The following TBC1D1 variants were observed in gnomAD, a reference collection of about 807,000 sequenced individuals.
The protein encoded by TBC1D1 is TBC1 (tre-2/USP6, BUB2, cdc16) domain family, member 1.
In TBC1D1, 89 loss-of-function variants were observed where a neutral mutation model predicts 125.6. The ratio of observed to expected loss-of-function variants is 0.71; its 90% confidence interval spans 0.60 to 0.85. The LOEUF is 0.85. Among genes scored for constraint, TBC1D1 ranks in the 40% least tolerant of loss-of-function variants. The pLI is 0.00. For synonymous variants in TBC1D1, 565 were observed against 564.1 expected (o/e 1.00, Z -0.02); for missense variants, 1,377 against 1,469.2 (o/e 0.94, Z 1.03).
At chr4:37,989,413 A>G (rs1450680379) in intron 2 of TBC1D1, among the ~76,000 whole-genome samples, 3 of 152,196 alleles carry the variant, frequency 2.0e-5, no homozygotes, top group East Asian at 3.8e-4. Context: ...TACACCTTAC[A>G]TATATTGATT....
At chr4:37,986,234 AC>A (rs1287589635) in intron 2 of TBC1D1, among the ~76,000 whole-genome samples, 1 of 152,194 alleles carries the variant, frequency 6.6e-6, no homozygotes, top group Admixed American at 6.5e-5. Context: ...TACATGGGGA[AC>A]TGACACCCAG....
intron 2 of TBC1D1, among the ~76,000 whole-genome samples, chr4:37,979,692 C>T (rs1375208480): frequency 6.6e-6 from 1 of 152,232 alleles, no homozygotes; most frequent in Non-Finnish European, 1.5e-5. Context: ...TCATTTTGAC[C>T]TTTGCAACTG....
At chr4:37,948,294 C>A (rs559530344) in intron 2 of TBC1D1, among the ~76,000 whole-genome samples, 1 of 152,216 alleles carries the variant, frequency 6.6e-6, no homozygotes, top group South Asian at 2.1e-4. Flanking sequence ...CAGGAACTTG[C>A]CTTTTCTCAC....
intron 9 of TBC1D1, among the ~76,000 whole-genome samples, 170 bp from the exon 10 acceptor site, chr4:38,045,647 T>TA (rs1195172288): frequency 1.3e-5 from 2 of 152,232 alleles, no homozygotes; most frequent in East Asian, 1.9e-4. Context: ...ATTTATTTTT[T>TA]AAAAAAATGA....
At position 38,054,257 on chromosome 4, in the gene TBC1D1, CGGA is replaced by C. The variant is rs1560702162; in HGVS notation, c.1972_1974del (p.Arg658del). The stretch of plus-strand genomic sequence containing the variant: ...TTCTGGTGGGACTCCTGTGAAGACC[CGGA>C]GGCATTCCTGGAGGCAGCAGATATT... On this transcript the variant is annotated inframe_deletion, in exon 12 of 20. Transcript: ENST00000261439. 1 of 1,614,154 alleles carries C rather than the reference CGGA, an allele frequency of 6.2e-7. No homozygotes were observed. The highest frequency in any genetic ancestry group is 8.5e-7 in the Non-Finnish European group (1 of 1,180,012).
intron 18 of TBC1D1, chr4:38,132,724 T>A (rs1361046585): frequency 5.8e-6 from 1 of 172,276 alleles, no homozygotes; most frequent in Non-Finnish European, 1.4e-5. Context: ...AGTTGATGTA[T>A]CTAACCTAAC....
intron 2 of TBC1D1, among the ~76,000 whole-genome samples, chr4:37,963,290 T>C (rs893713414): frequency 1.3e-5 from 2 of 152,140 alleles, no homozygotes; most frequent in Admixed American, 6.5e-5. Context: ...CAGTGGCATC[T>C]GCTCAGCTTC....
In TBC1D1 at chr4:37,902,344, A is replaced by C; in HGVS notation, c.249A>C (p.Gln83His). ...GTGAACCTGAGCCAGGGAGAAGTCA[A>C]CAGTGGGATCCCCTGATCTATTCCA... The change falls in exon 2 of 20, where the codon CAA becomes CAC. Residue 83 changes from glutamine (Q) to histidine (H), a missense_variant. Transcript: ENST00000261439. 6.2e-7 allele frequency: 1 copy of C among 1,614,210 alleles called. No homozygotes were observed. The highest frequency in any genetic ancestry group is 8.5e-7 in the Non-Finnish European group (1 of 1,180,032).
At chr4:38,019,262 T>C (rs1743489052) in intron 4 of TBC1D1, among the ~76,000 whole-genome samples, 1 of 152,158 alleles carries the variant, frequency 6.6e-6, no homozygotes, top group Non-Finnish European at 1.5e-5. Context: ...ACTTAAATAT[T>C]CAAAAGGGAC....
At chr4:38,024,667 A>T (rs1372488757) in intron 6 of TBC1D1, among the ~76,000 whole-genome samples, 1 of 152,246 alleles carries the variant, frequency 6.6e-6, no homozygotes, top group Non-Finnish European at 1.5e-5. Flanking sequence ...TTAGTAGAAG[A>T]AGTGCTAGTT....
At chr4:38,079,769 T>C (rs1423127672) in intron 12 of TBC1D1, among the ~76,000 whole-genome samples, 2 of 152,186 alleles carry the variant, frequency 1.3e-5, no homozygotes, top group African/African-American at 4.8e-5. Flanking sequence ...AAAACTCTAT[T>C]TAATGGTCAG....
intron 2 of TBC1D1, among the ~76,000 whole-genome samples, chr4:37,982,430 A>T (rs1734518734): frequency 1.3e-5 from 2 of 151,900 alleles, no homozygotes; most frequent in Admixed American, 6.6e-5. Context: ...GGAGGGGAGA[A>T]CTCCTTGTCA....
intron 4 of TBC1D1, 112 bp from the exon 5 acceptor site, chr4:38,020,479 A>C (rs1578299115): frequency 2.3e-6 from 2 of 856,324 alleles, no homozygotes; most frequent in East Asian, 3.1e-5. Context: ...ATTCCATCTC[A>C]AAAAGATAAT....
chr4:37,987,024 C>CT (rs1333117186), intron 2 of TBC1D1, among the ~76,000 whole-genome samples: 2 of 152,186 alleles, frequency 1.3e-5, no homozygotes. Flanking sequence ...CTGAGTGCTC[C>CT]TGTTTCCCGG....
chr4:37,931,627 G>A (rs1389575058), intron 2 of TBC1D1, among the ~76,000 whole-genome samples: 4 of 152,024 alleles, frequency 2.6e-5, no homozygotes, highest in African/African-American at 9.7e-5. Context: ...ACAGGCACCT[G>A]CCACCACACC....
intron 2 of TBC1D1, among the ~76,000 whole-genome samples, chr4:37,951,434 A>C (rs73236848): frequency 0.024 from 3,695 of 152,332 alleles, 77 homozygotes; most frequent in Non-Finnish European, 0.034. Context: ...ACATGGCCTC[A>C]GAATCTATAA....
At chr4:38,112,495 ATTTGC>A (rs1762355111) in intron 15 of TBC1D1, among the ~76,000 whole-genome samples, 1 of 152,162 alleles carries the variant, frequency 6.6e-6, no homozygotes, top group Admixed American at 6.5e-5. Flanking sequence ...CATAGCAACC[ATTTGC>A]ATTAGGCATT....
Position 38,048,556 on chromosome 4 carries a change from T to TC in TBC1D1, c.1630-1061dup, listed in dbSNP as rs202036242. Among the ~76,000 whole-genome samples the TC allele has an allele frequency of 3.3e-5, 5 of 150,964 alleles. No homozygotes were observed. In the East Asian group the frequency reaches 5.8e-4, roughly 17 times the overall value. On this transcript the variant is annotated intron_variant, in intron 10 of 19. Coordinates refer to ENST00000261439, the MANE Select transcript of TBC1D1 (RefSeq NM_015173.4). The stretch of plus-strand genomic sequence containing the variant: ...AAACACATTTCTTTTTTTTTTTTTT[T>TC]CAAATTAAAACCCTCAATACTTGTT...
chr4:37,931,575 T>A (rs1723267093), intron 2 of TBC1D1, among the ~76,000 whole-genome samples: 1 of 151,962 alleles, frequency 6.6e-6, no homozygotes, highest in African/African-American at 2.4e-5. Flanking sequence ...CCTCCCGGGT[T>A]CAAGCGATTC....
Sources: gnomAD v4.1 joint callset for allele counts (sites outside exome capture counted in the v4.1 genomes callset) on GRCh38, gnomAD v4.1.1 for gene constraint, MANE v1.5 for transcripts, NCBI Gene and HGNC (gene_info 2026-07-23, HGNC 2026-07-21) for gene names.